Variants in SEC63 observed in about 807,000 individuals in gnomAD.
The protein encoded by SEC63 is translocation protein SEC63 homolog.
Under a neutral mutation model 116.2 loss-of-function variants are expected in SEC63, and 56 were observed. That is an observed-to-expected ratio of 0.48 (90% CI 0.39 to 0.60). SEC63 has a LOEUF of 0.60. Among genes scored for constraint, SEC63 ranks in the 20% least tolerant of loss-of-function variants. The pLI is 0.00. For missense variants in SEC63, 668 were observed against 900.0 expected, an observed-to-expected ratio of 0.74 and a Z score of 3.30; for synonymous variants, 273 against 294.6, an observed-to-expected ratio of 0.93 and a Z score of 0.75.
intron 4 of SEC63, among the ~76,000 whole-genome samples, chr6:107,915,769 T>C (rs752016575): frequency 6.6e-6 from 1 of 152,174 alleles, no homozygotes; most frequent in Non-Finnish European, 1.5e-5. Flanking sequence ...CCAAGGCTGC[T>C]AGAGTTATTC....
At chr6:107,909,180 C>A in intron 7 of SEC63, 145 bp from the exon 8 acceptor site, 1 of 623,738 alleles carries the variant, frequency 1.6e-6, no homozygotes, top group Non-Finnish European at 2.9e-6. Flanking sequence ...CCAGCCTGGG[C>A]AACATAGTGA....
chr6:107,917,869 TTGGA>T (rs1787448016), intron 4 of SEC63, among the ~76,000 whole-genome samples: 2 of 152,208 alleles, frequency 1.3e-5, no homozygotes, highest in Non-Finnish European at 2.9e-5. Flanking sequence ...AAGTGCTGAT[TTGGA>T]AGCTGCAGCA....
At chr6:107,941,595 A>G (rs1043455824) in intron 1 of SEC63, among the ~76,000 whole-genome samples, 6 of 152,230 alleles carry the variant, frequency 3.9e-5, no homozygotes, top group African/African-American at 1.4e-4. Context: ...AGTAATCATT[A>G]ATACCATTGT....
intron 16 of SEC63, 22 bp downstream of exon 16, chr6:107,893,460 A>G (rs781509422): frequency 1.2e-6 from 2 of 1,603,788 alleles, no homozygotes; most frequent in Non-Finnish European, 1.7e-6. Context: ...AATAATGATA[A>G]TAACGATAAT....
At chr6:107,933,591 T>G (rs1269971333) in intron 1 of SEC63, among the ~76,000 whole-genome samples, 2 of 151,940 alleles carry the variant, frequency 1.3e-5, no homozygotes, top group Non-Finnish European at 2.9e-5. Flanking sequence ...AAATAACTGG[T>G]CTCTAATCTT....
At position 107,868,465 on chromosome 6, in the gene SEC63, G is replaced by C. The variant is rs2114378716; in HGVS notation, c.*3239C>G. On this transcript the variant is annotated 3_prime_UTR_variant, in exon 21 of 21. Transcript: ENST00000369002. ...GTGGTGGCATGCACCTGCAGTCCCA[G>C]CTACTCAGGAGGCTGAGGCAGAAGA... The C allele has an allele frequency of 6.6e-6, 1 of 152,396 alleles. No individual in the cohort carries two copies. The highest frequency in any genetic ancestry group is 2.1e-4 in the South Asian group (1 of 4,820). 9.4% of individuals were successfully genotyped at this position (152,396 alleles called of 1,614,324 possible).
chr6:107,925,613 G>C (rs1218613241), intron 2 of SEC63, among the ~76,000 whole-genome samples: 1 of 152,090 alleles, frequency 6.6e-6, no homozygotes, highest in Non-Finnish European at 1.5e-5. Context: ...TTATGTAAAA[G>C]ATTAACATTA....
chr6:107,868,283 A>C lies in SEC63; in HGVS notation c.*3421T>G, dbSNP rs1235137539. On this transcript the variant is annotated 3_prime_UTR_variant, in exon 21 of 21. Transcript: ENST00000369002. ...GATTTGTTGTTTTTGTTTTTTTTCC[A>C]AAAAAACCCAACAGGCTGGGCGCAG... The C allele has an allele frequency of 1.3e-5, 2 of 151,724 alleles. No individual in the cohort carries two copies. Among genetic ancestry groups the C allele is most frequent in the African/African-American group, 4.8e-5 (2 of 41,304 alleles). 9.4% of individuals were successfully genotyped at this position (151,724 alleles called of 1,614,324 possible).
intron 16 of SEC63, among the ~76,000 whole-genome samples, chr6:107,885,047 C>T (rs575500996): frequency 2.0e-5 from 3 of 152,070 alleles, no homozygotes; most frequent in South Asian, 2.1e-4. Flanking sequence ...AAAAAACTTA[C>T]ACCTAACATC....
chr6:107,935,043 C>T (rs1222023801), intron 1 of SEC63, among the ~76,000 whole-genome samples: 65 of 130,350 alleles, frequency 5.0e-4, no homozygotes, highest in African/African-American at 1.9e-3. Context: ...AGGTGAGGGG[C>T]GCCTCTGCCC....
intron 1 of SEC63, among the ~76,000 whole-genome samples, chr6:107,947,127 C>G (rs994855546): frequency 3.3e-5 from 5 of 152,062 alleles, no homozygotes; most frequent in African/African-American, 9.7e-5. Flanking sequence ...TGGTGAAACC[C>G]TATCTCTACA....
At chr6:107,874,629 A>G (rs1293680059) in intron 19 of SEC63, among the ~76,000 whole-genome samples, 1 of 151,798 alleles carries the variant, frequency 6.6e-6, no homozygotes, top group Non-Finnish European at 1.5e-5. Context: ...CAAGAACAAG[A>G]AAGTATTCAA....
chr6:107,877,071 G>GCATATATATA, intron 18 of SEC63: 2 of 34,522 alleles, frequency 5.8e-5, no homozygotes, highest in East Asian at 1.0e-3. Flanking sequence ...ATATGTGTGT[G>GCATATATATA]TATATATATA....
chr6:107,893,551 T>C lies in SEC63; in HGVS notation c.1605A>G (p.Lys535=). ...KSKKKKPLKK[K]PTPVLLPQSK... is the part of the protein sequence containing the mutation. ...ACTGTGGTAATAGCACAGGTGTAGG[T>C]TTTTTTTTTAAAGGTTTCTTTTTTT... Residue 535 remains lysine, a synonymous_variant, in exon 16 of 21, where the codon AAA becomes AAG. Coordinates refer to ENST00000369002, the MANE Select transcript of SEC63 (RefSeq NM_007214.5). 1 of 1,563,598 alleles carries C rather than the reference T, an allele frequency of 6.4e-7. No individual in the cohort carries two copies. The highest frequency in any genetic ancestry group is 8.7e-7 in the Non-Finnish European group (1 of 1,149,006).
intron 8 of SEC63, among the ~76,000 whole-genome samples, chr6:107,907,272 A>T (rs1202156020): frequency 6.6e-6 from 1 of 152,214 alleles, no homozygotes; most frequent in African/African-American, 2.4e-5. Context: ...GTGGAAATAC[A>T]CATGATTAAA....
At chr6:107,899,379 C>T (rs530913164) in intron 13 of SEC63, among the ~76,000 whole-genome samples, 3 of 152,294 alleles carry the variant, frequency 2.0e-5, no homozygotes, top group African/African-American at 7.2e-5. Context: ...TAAATTTCTA[C>T]TTTCTATAAG....
At chr6:107,921,322 C>G (rs563201397) in intron 4 of SEC63, among the ~76,000 whole-genome samples, 24 of 152,168 alleles carry the variant, frequency 1.6e-4, no homozygotes, top group African/African-American at 4.8e-4. Context: ...GCAAAAATTA[C>G]AGTTTAATTA....
chr6:107,900,561 T>A (rs1433499008), intron 13 of SEC63, among the ~76,000 whole-genome samples: 1 of 152,024 alleles, frequency 6.6e-6, no homozygotes, highest in East Asian at 1.9e-4. Flanking sequence ...GGTAGAAGGA[T>A]TGCTTGAGCC....
Position 107,871,595 on chromosome 6 carries a change from T to C in SEC63, c.*109A>G. 3.9e-6 allele frequency: 4 copies of C among 1,025,254 alleles called. No individual in the cohort carries two copies. The highest frequency in any genetic ancestry group is 6.1e-6 in the Non-Finnish European group (4 of 657,190). The allele number at this position is 1,025,254 out of a possible 1,614,324, so 63.5% of individuals were successfully genotyped here. ...GCACCCATTTCAAGAGTAAAAAAAC[T>C]ACACCTCCCTCAACATCAGTTCTGT... On this transcript the variant is annotated 3_prime_UTR_variant, in exon 21 of 21. Transcript: ENST00000369002.
Sources: allele counts gnomAD v4.1 joint callset (sites outside exome capture counted in the v4.1 genomes callset), GRCh38; gene constraint gnomAD v4.1.1; transcripts MANE v1.5; gene names NCBI Gene and HGNC (gene_info 2026-07-23, HGNC 2026-07-21).